Variants in COL19A1 observed in about 807,000 individuals in gnomAD.
The protein encoded by COL19A1 is collagen type XIX alpha 1 chain, also known as collagen alpha-1(XIX) chain.
In COL19A1, 159 loss-of-function variants were observed where a neutral mutation model predicts 190.2. The observed-to-expected ratio is 0.84, with a 90% CI of 0.73 to 0.95. The LOEUF is 0.95. Ranked by LOEUF, COL19A1 falls within the 40% of genes least tolerant of loss-of-function variation. The pLI is 0.00. For synonymous variants in COL19A1, 509 were observed against 458.9 expected (o/e 1.11, Z -1.39); for missense variants, 1,418 against 1,431.9 (o/e 0.99, Z 0.16).
intron 2 of COL19A1, among the ~76,000 whole-genome samples, chr6:69,880,492 T>A (rs1768460790): frequency 6.6e-6 from 1 of 152,208 alleles, no homozygotes; most frequent in Non-Finnish European, 1.5e-5. Context: ...ATTGTGCCTA[T>A]TGTTTTGAAT....
chr6:70,199,739 A>G lies in COL19A1; in HGVS notation c.3223+3A>G, dbSNP rs138051134. On this transcript the variant is annotated splice_donor_region_variant and intron_variant, in intron 49 of 50. Coordinates refer to ENST00000620364, the MANE Select transcript of COL19A1 (RefSeq NM_001858.6). Reference sequence around the variant, plus strand: ...ACCAGGAGACCCTGGACCCCAAGGTAAGTCTTCAAGTGTAATATTGGCTTA... The same window carrying G: ...ACCAGGAGACCCTGGACCCCAAGGTGAGTCTTCAAGTGTAATATTGGCTTA... The G allele has an allele frequency of 5.1e-5, 82 of 1,601,130 alleles. No homozygotes were observed. In the East Asian group the frequency reaches 1.8e-3, roughly 35 times the overall value.
In COL19A1 at chr6:70,166,220, GGAATCTGGGTTTGTGCTCC is replaced by G. The variant is rs544765130; in HGVS notation, c.2445+238_2445+256del. 3.7e-4 allele frequency among the ~76,000 whole-genome samples: 56 copies of G among 152,286 alleles called. No individual in the cohort carries two copies. The East Asian group carries it at 0.01, about 28-fold the overall frequency. On this transcript the variant is annotated intron_variant, in intron 37 of 50. Transcript: ENST00000620364. ...TGCGGGTCTCCCCATCTTGGATTTA[GGAATCTGGGTTTGTGCTCC>G]GACTCTCCACTTCCTGGCTCGGGGC...
chr6:70,160,170 AC>A (rs1482329800), intron 34 of COL19A1, among the ~76,000 whole-genome samples: 1 of 152,050 alleles, frequency 6.6e-6, no homozygotes, highest in African/African-American at 2.4e-5. Flanking sequence ...GGTTTAATTG[AC>A]CCACAGCTCC....
At position 69,965,359 on chromosome 6, in the gene COL19A1, G is replaced by A. The variant is rs150102684; in HGVS notation, c.1026+2489G>A. Among the ~76,000 whole-genome samples, 571 of 152,262 alleles carry A rather than the reference G, an allele frequency of 3.8e-3. 2 individuals are homozygous for A. The highest frequency in any genetic ancestry group is 6.4e-3 in the Non-Finnish European group (434 of 68,006). Reference sequence around the variant, plus strand: ...AACTGCAAAAGGTAAAATACTACCTGATATTTTCAGGTGACATTTCTATAA... The same window carrying A: ...AACTGCAAAAGGTAAAATACTACCTAATATTTTCAGGTGACATTTCTATAA... On this transcript the variant is annotated intron_variant, in intron 11 of 50. Coordinates refer to ENST00000620364, the MANE Select transcript of COL19A1 (RefSeq NM_001858.6).
At chr6:70,126,035 T>G (rs1785173141) in intron 17 of COL19A1, among the ~76,000 whole-genome samples, 1 of 152,124 alleles carries the variant, frequency 6.6e-6, no homozygotes, top group East Asian at 1.9e-4. Flanking sequence ...TAAAGCTCCA[T>G]ATTGAAAATG....
intron 49 of COL19A1, among the ~76,000 whole-genome samples, chr6:70,200,707 T>A (rs1767493886): frequency 6.6e-6 from 1 of 152,230 alleles, no homozygotes; most frequent in African/African-American, 2.4e-5. Flanking sequence ...TTGAGCCTCA[T>A]TTTCTGAAGT....
chr6:69,893,842 C>T (rs935838784), intron 2 of COL19A1, among the ~76,000 whole-genome samples: 5 of 152,304 alleles, frequency 3.3e-5, no homozygotes, highest in African/African-American at 1.2e-4. Context: ...AACTTGGTCT[C>T]CACAATCCTT....
intron 4 of COL19A1, among the ~76,000 whole-genome samples, chr6:69,906,618 A>C (rs1053879454): frequency 6.6e-6 from 1 of 152,176 alleles, no homozygotes; most frequent in Non-Finnish European, 1.5e-5. Flanking sequence ...ATTTAATACG[A>C]TTTATGAGCT....
Position 70,147,184 on chromosome 6 carries a change from A to G in COL19A1, c.1893+295A>G, listed in dbSNP as rs137874916. ...TTAAAAAGCACAAATACATGTTTGT[A>G]AGATAGTAAGAATGCCTAATATTAG... On this transcript the variant is annotated intron_variant, in intron 27 of 50. Transcript: ENST00000620364. Among the ~76,000 whole-genome samples the G allele has an allele frequency of 1.5e-3, 230 of 152,290 alleles. 4 individuals are homozygous for G. In the East Asian group the frequency reaches 0.039, roughly 26 times the overall value.
At chr6:69,940,767 A>G (rs1268680955) in intron 9 of COL19A1, among the ~76,000 whole-genome samples, 2 of 152,166 alleles carry the variant, frequency 1.3e-5, no homozygotes, top group Admixed American at 6.6e-5. Flanking sequence ...AAACCAACAT[A>G]TGCTCTGCCT....
intron 8 of COL19A1, among the ~76,000 whole-genome samples, chr6:69,937,391 G>T (rs1307051288): frequency 6.6e-6 from 1 of 152,120 alleles, no homozygotes; most frequent in Non-Finnish European, 1.5e-5. Flanking sequence ...ATACAGAGGG[G>T]CTCTGTTGTT....
At chr6:70,002,804 GTTT>G (rs35656140) in intron 11 of COL19A1, among the ~76,000 whole-genome samples, 1 of 118,312 alleles carries the variant, frequency 8.5e-6, no homozygotes. Context: ...GTTGTTGTTG[GTTT>G]TTTTTTTTTT....
intron 16 of COL19A1, among the ~76,000 whole-genome samples, chr6:70,112,311 A>G (rs573293693): frequency 6.6e-6 from 1 of 152,226 alleles, no homozygotes; most frequent in South Asian, 2.1e-4. Context: ...TGTGGCTTTT[A>G]TCACCTTGTA....
intron 4 of COL19A1, among the ~76,000 whole-genome samples, chr6:69,921,754 TCG>T: frequency 6.8e-6 from 1 of 146,362 alleles, no homozygotes; most frequent in African/African-American, 2.6e-5. Context: ...ATATGTATAT[TCG>T]TATGTAGATT....
intron 48 of COL19A1, among the ~76,000 whole-genome samples, chr6:70,192,248 A>G (rs1313807934): frequency 6.6e-6 from 1 of 152,092 alleles, no homozygotes; most frequent in Non-Finnish European, 1.5e-5. Context: ...TTTAGTAGAG[A>G]CGGGGTTTCA....
intron 4 of COL19A1, among the ~76,000 whole-genome samples, chr6:69,919,370 G>C (rs1771544663): frequency 6.6e-6 from 1 of 152,096 alleles, no homozygotes; most frequent in African/African-American, 2.4e-5. Flanking sequence ...TAGATAATTA[G>C]GTGTTTTGGC....
At chr6:69,917,592 G>A (rs778035872) in intron 4 of COL19A1, among the ~76,000 whole-genome samples, 1 of 152,106 alleles carries the variant, frequency 6.6e-6, no homozygotes, top group African/African-American at 2.4e-5. Flanking sequence ...AAGTCAGGTA[G>A]GCACAAACCT....
chr6:70,053,614 GT>G (rs1330934843), intron 14 of COL19A1, among the ~76,000 whole-genome samples: 2 of 152,156 alleles, frequency 1.3e-5, no homozygotes, highest in African/African-American at 2.4e-5. Flanking sequence ...AAAAGGTTAT[GT>G]TTAAAGAAAT....
intron 4 of COL19A1, among the ~76,000 whole-genome samples, chr6:69,916,291 T>C (rs773085893): frequency 6.6e-6 from 1 of 152,230 alleles, no homozygotes; most frequent in Non-Finnish European, 1.5e-5. Context: ...CATGTTTACC[T>C]ATGTAACAAA....
Sources: allele counts gnomAD v4.1 joint callset (sites outside exome capture counted in the v4.1 genomes callset), GRCh38; gene constraint gnomAD v4.1.1; transcripts MANE v1.5; gene names NCBI Gene and HGNC (gene_info 2026-07-23, HGNC 2026-07-21).